CRYBG1: variants seen among roughly 807,000 people sequenced by gnomAD.
The protein encoded by CRYBG1 is crystallin beta-gamma domain containing 1, also known as beta/gamma crystallin domain-containing protein 1.
Under a neutral mutation model 189.2 loss-of-function variants are expected in CRYBG1, and 139 were observed. The observed-to-expected ratio is 0.73, with a 90% CI of 0.64 to 0.85. The LOEUF (loss-of-function observed/expected upper bound fraction) is 0.85. CRYBG1 is among the 40% of genes least tolerant of loss of function. The pLI, the probability that CRYBG1 is intolerant of heterozygous loss-of-function variation, is 0.00. For synonymous variants in CRYBG1, 1,023 were observed against 1,017.1 expected, an observed-to-expected ratio of 1.01 and a Z score of -0.11; for missense variants, 2,611 against 2,675.8, an observed-to-expected ratio of 0.98 and a Z score of 0.53.
chr6:106,462,926 G>A (rs577956775), intron 2 of CRYBG1, among the ~76,000 whole-genome samples: 3 of 152,348 alleles, frequency 2.0e-5, no homozygotes, highest in African/African-American at 7.2e-5. Context: ...AACCAAAGCG[G>A]GAGGATTGCT....
At chr6:106,526,963 AC>A (rs1773753105) in intron 6 of CRYBG1, among the ~76,000 whole-genome samples, 4 of 143,248 alleles carry the variant, frequency 2.8e-5, no homozygotes, top group Admixed American at 7.0e-5. Flanking sequence ...AAAAAAAGAG[AC>A]AAAAAAAAAA....
chr6:106,384,507 G>T (rs1770347866), intron 1 of CRYBG1, among the ~76,000 whole-genome samples: 1 of 152,092 alleles, frequency 6.6e-6, no homozygotes, highest in Non-Finnish European at 1.5e-5. Flanking sequence ...TCATCTGGGG[G>T]TGATGGGAGA....
chr6:106,377,650 T>G (rs1268940421), intron 1 of CRYBG1, among the ~76,000 whole-genome samples: 1 of 149,266 alleles, frequency 6.7e-6, no homozygotes, highest in Non-Finnish European at 1.5e-5. Flanking sequence ...TATATATATT[T>G]TCATTTGCAG....
At chr6:106,509,519 A>G (rs1226379426) in intron 2 of CRYBG1, among the ~76,000 whole-genome samples, 3 of 152,232 alleles carry the variant, frequency 2.0e-5, no homozygotes, top group East Asian at 3.8e-4. Context: ...CGGCTGCACC[A>G]TTGGTTCATC....
chr6:106,445,207 T>C (rs999626426), intron 1 of CRYBG1, among the ~76,000 whole-genome samples: 1 of 152,238 alleles, frequency 6.6e-6, no homozygotes, highest in Admixed American at 6.5e-5. Context: ...GGATGCTTTG[T>C]ATTTTAAAAA....
At chr6:106,375,108 C>T (rs539992710) in intron 1 of CRYBG1, among the ~76,000 whole-genome samples, 5 of 152,178 alleles carry the variant, frequency 3.3e-5, no homozygotes, top group African/African-American at 1.2e-4. Context: ...TGTGGCCAGG[C>T]GTGGTGGCTT....
chr6:106,530,382 G>A (rs1773852004), intron 8 of CRYBG1, 67 bp downstream of exon 8: 1 of 1,431,430 alleles, frequency 7.0e-7, no homozygotes, highest in Admixed American at 2.2e-5. Context: ...GGAAAAAGAG[G>A]ACTTAAGATA....
intron 1 of CRYBG1, among the ~76,000 whole-genome samples, chr6:106,391,760 T>G (rs1335752901): frequency 6.6e-6 from 1 of 152,146 alleles, no homozygotes; most frequent in East Asian, 1.9e-4. Context: ...ACACAATGAC[T>G]TTGGTGCCTG....
intron 1 of CRYBG1, among the ~76,000 whole-genome samples, chr6:106,442,363 T>A (rs1771581113): frequency 6.6e-6 from 1 of 152,140 alleles, no homozygotes; most frequent in South Asian, 2.1e-4. Context: ...ACCCCAGAGT[T>A]TAAGAGACTC....
chr6:106,508,819 T>C (rs1402962914), intron 2 of CRYBG1, among the ~76,000 whole-genome samples: 2 of 151,796 alleles, frequency 1.3e-5, no homozygotes, highest in African/African-American at 4.8e-5. Flanking sequence ...GCAGTCTGGC[T>C]GGTGATAAAC....
intron 1 of CRYBG1, among the ~76,000 whole-genome samples, chr6:106,421,122 G>A (rs1315381343): frequency 1.3e-5 from 2 of 152,196 alleles, no homozygotes; most frequent in African/African-American, 4.8e-5. Flanking sequence ...ACACTTAGGA[G>A]ATCTGGAGTG....
At chr6:106,543,785 C>T (rs1164336564) in intron 11 of CRYBG1, among the ~76,000 whole-genome samples, 188 bp downstream of exon 11, 1 of 152,220 alleles carries the variant, frequency 6.6e-6, no homozygotes, top group Non-Finnish European at 1.5e-5. Flanking sequence ...GGTGTGGTGG[C>T]TCACACCTGT....
chr6:106,420,280 G>A (rs1015396660), intron 1 of CRYBG1, among the ~76,000 whole-genome samples: 30 of 152,256 alleles, frequency 2.0e-4, no homozygotes, highest in African/African-American at 7.0e-4. Context: ...AGAGGAAAGA[G>A]CAATCTGGAG....
chr6:106,549,099 T>C (rs778600008), intron 13 of CRYBG1, among the ~76,000 whole-genome samples: 7 of 152,118 alleles, frequency 4.6e-5, no homozygotes, highest in Non-Finnish European at 5.9e-5. Flanking sequence ...CTGCATAGTA[T>C]TCCATGGTGT....
chr6:106,385,977 A>G (rs1449604350), intron 1 of CRYBG1, among the ~76,000 whole-genome samples: 1 of 152,150 alleles, frequency 6.6e-6, no homozygotes, highest in Non-Finnish European at 1.5e-5. Flanking sequence ...TGTTCACATT[A>G]AAACAAAACA....
intron 2 of CRYBG1, among the ~76,000 whole-genome samples, chr6:106,484,733 C>T (rs9372131): frequency 0.12 from 18,369 of 151,728 alleles, 1,278 homozygotes; most frequent in East Asian, 0.27. Flanking sequence ...TAACTGTAAT[C>T]CTAGAACTTT....
intron 2 of CRYBG1, among the ~76,000 whole-genome samples, chr6:106,482,563 C>G (rs760242958): frequency 1.9e-4 from 29 of 152,074 alleles, no homozygotes; most frequent in Middle Eastern, 3.2e-3. Flanking sequence ...ATCACAAGGT[C>G]AGGAGATCGA....
At chr6:106,385,665 C>T (rs933447928) in intron 1 of CRYBG1, among the ~76,000 whole-genome samples, 3 of 152,164 alleles carry the variant, frequency 2.0e-5, no homozygotes, top group African/African-American at 4.8e-5. Flanking sequence ...TCGGTAGACT[C>T]GTCAACCTGA....
chr6:106,531,174 T>C (rs942051710), intron 8 of CRYBG1, among the ~76,000 whole-genome samples: 7 of 152,240 alleles, frequency 4.6e-5, no homozygotes, highest in African/African-American at 1.7e-4. Context: ...CTTTTTGCAT[T>C]CTATTTATTA....
Sources: allele counts gnomAD v4.1 joint callset (sites outside exome capture counted in the v4.1 genomes callset), GRCh38; gene constraint gnomAD v4.1.1; transcripts MANE v1.5; gene names NCBI Gene and HGNC (gene_info 2026-07-23, HGNC 2026-07-21).